TNS3: variants seen among roughly 807,000 people sequenced by gnomAD.
The protein encoded by TNS3 is tensin 3.
In TNS3, 45 loss-of-function variants were observed where a neutral mutation model predicts 140.9. The ratio of observed to expected loss-of-function variants is 0.32; its 90% CI spans 0.25 to 0.41. The LOEUF (loss-of-function observed/expected upper bound fraction) is 0.41. TNS3 is among the 10% of genes least tolerant of loss of function. TNS3 has a pLI of 1.00. For synonymous variants in TNS3, 815 were observed against 788.4 expected (o/e 1.03, Z -0.56); for missense variants, 1,716 against 1,906.7 (o/e 0.90, Z 1.86).
chr7:47,396,706 T>A, intron 16 of TNS3, 94 bp downstream of exon 16: 1 of 1,071,142 alleles, frequency 9.3e-7, no homozygotes, highest in Non-Finnish European at 1.4e-6. Context: ...AATTTTTTCT[T>A]CTTAGCAGAC....
At chr7:47,388,480 G>A (rs779284834) in intron 16 of TNS3, among the ~76,000 whole-genome samples, 51 of 152,190 alleles carry the variant, frequency 3.4e-4, no homozygotes, top group Non-Finnish European at 6.6e-4. Context: ...GGTTAAGTGG[G>A]CAGGGTCACC....
intron 4 of TNS3, among the ~76,000 whole-genome samples, chr7:47,468,931 G>C (rs1453403275): frequency 6.6e-6 from 1 of 152,080 alleles, no homozygotes; most frequent in Admixed American, 6.6e-5. Context: ...CACAAATAAA[G>C]CTGCACACTT....
At position 47,282,524 on chromosome 7, in the gene TNS3, C is replaced by T. The variant is rs144169297; in HGVS notation, c.4097+1173G>A. ...GAACACAGTGGGGCTGAGCCATGCC[C>T]CTGACCCTGAGAACATGGTGGGGTT... On this transcript the variant is annotated intron_variant, in intron 28 of 30. Transcript: ENST00000311160. 6.5e-3 allele frequency among the ~76,000 whole-genome samples: 988 copies of T among 152,212 alleles called. 4 individuals are homozygous for T. Among genetic ancestry groups the T allele is most frequent in the Non-Finnish European group, 0.011 (716 of 67,988 alleles).
At position 47,439,467 on chromosome 7, in the gene TNS3, C is replaced by A; in HGVS notation, c.150+20G>T. The A allele has an allele frequency of 2.5e-6, 4 of 1,612,152 alleles. No individual in the cohort carries two copies. The East Asian group carries it at 8.9e-5, about 36-fold the overall frequency. ...GCTGCAGAGCCTGCCCAAAGGCTCC[C>A]AGAGCCGCCCACCGCTCACCAGGTA... On this transcript the variant is annotated intron_variant, in intron 6 of 30. Transcript: ENST00000311160.
intron 4 of TNS3, among the ~76,000 whole-genome samples, chr7:47,465,551 G>A (rs1322923696): frequency 6.6e-6 from 1 of 151,960 alleles, no homozygotes; most frequent in African/African-American, 2.4e-5. Flanking sequence ...TCCATACACC[G>A]ACACCCCCTA....
chr7:47,545,549 C>T (rs545647100), intron 1 of TNS3, among the ~76,000 whole-genome samples: 1 of 152,220 alleles, frequency 6.6e-6, no homozygotes, highest in African/African-American at 2.4e-5. Context: ...AGGGTGCTGA[C>T]AGCAAGAGGA....
intron 2 of TNS3, among the ~76,000 whole-genome samples, chr7:47,520,009 TAG>T (rs985832325): frequency 5.3e-5 from 8 of 151,776 alleles, no homozygotes; most frequent in African/African-American, 1.9e-4. Context: ...TTTTTTTTAG[TAG>T]AGACGGGGTT....
chr7:47,330,717 A>C (rs1788286178), intron 20 of TNS3, among the ~76,000 whole-genome samples: 1 of 152,064 alleles, frequency 6.6e-6, no homozygotes, highest in Non-Finnish European at 1.5e-5. Context: ...AGGTGAGAAA[A>C]GGGGCATTAA....
chr7:47,356,124 C>T (rs919291946), intron 17 of TNS3, among the ~76,000 whole-genome samples: 1 of 152,164 alleles, frequency 6.6e-6, no homozygotes, highest in African/African-American at 2.4e-5. Context: ...AACCACCCTG[C>T]GGCACGTTCC....
At chr7:47,364,816 T>C (rs1366589177) in intron 17 of TNS3, among the ~76,000 whole-genome samples, 3 of 152,220 alleles carry the variant, frequency 2.0e-5, no homozygotes, top group East Asian at 3.9e-4. Flanking sequence ...CATTCATCAC[T>C]GCTCATGGAC....
At chr7:47,357,074 G>A (rs1486287100) in intron 17 of TNS3, among the ~76,000 whole-genome samples, 1 of 152,198 alleles carries the variant, frequency 6.6e-6, no homozygotes, top group Non-Finnish European at 1.5e-5. Flanking sequence ...GGGTGACAGA[G>A]TGAGATCCTA....
chr7:47,430,699 G>A (rs1794887229), intron 8 of TNS3, among the ~76,000 whole-genome samples: 1 of 151,776 alleles, frequency 6.6e-6, no homozygotes, highest in East Asian at 1.9e-4. Context: ...CGAATTTAAG[G>A]AGACTGAAAT....
intron 20 of TNS3, among the ~76,000 whole-genome samples, chr7:47,332,800 C>T (rs1788415974): frequency 6.6e-6 from 1 of 152,014 alleles, no homozygotes; most frequent in Admixed American, 6.5e-5. Context: ...GCAAACTGTT[C>T]AAGATCACAG....
chr7:47,396,747 G>A, intron 16 of TNS3, 53 bp downstream of exon 16: 1 of 1,430,908 alleles, frequency 7.0e-7, no homozygotes, highest in Non-Finnish European at 9.9e-7. Context: ...TGAGTGGGCT[G>A]TCTTCCCTGT....
chr7:47,397,004 G>C, intron 15 of TNS3, 100 bp from the exon 16 acceptor site: 2 of 814,266 alleles, frequency 2.5e-6, no homozygotes, highest in Non-Finnish European at 2.1e-6. Flanking sequence ...GACTTGAGCA[G>C]GAGAGAGAAG....
intron 15 of TNS3, among the ~76,000 whole-genome samples, chr7:47,398,073 A>T (rs191196223): frequency 2.6e-4 from 40 of 152,336 alleles, no homozygotes; most frequent in Admixed American, 2.4e-3. Context: ...GAAATTGGTC[A>T]ATTCCTGGAC....
At chr7:47,535,099 C>G (rs1005599465) in intron 1 of TNS3, among the ~76,000 whole-genome samples, 2 of 152,208 alleles carry the variant, frequency 1.3e-5, no homozygotes, top group Admixed American at 1.3e-4. Context: ...ATTGCAATTT[C>G]CTAGATGCAG....
At chr7:47,487,720 C>T (rs1234020043) in intron 3 of TNS3, among the ~76,000 whole-genome samples, 2 of 151,578 alleles carry the variant, frequency 1.3e-5, no homozygotes, top group African/African-American at 4.8e-5. Context: ...AGTACAGAGA[C>T]ATCACCTTAT....
At chr7:47,406,272 G>T (rs971034394) in intron 13 of TNS3, among the ~76,000 whole-genome samples, 4 of 152,218 alleles carry the variant, frequency 2.6e-5, no homozygotes, top group Non-Finnish European at 4.4e-5. Flanking sequence ...GTGTCGAGGC[G>T]AAGGCAGACG....
Sources: gnomAD v4.1 joint callset for allele counts (sites outside exome capture counted in the v4.1 genomes callset) on GRCh38, gnomAD v4.1.1 for gene constraint, MANE v1.5 for transcripts, NCBI Gene and HGNC (gene_info 2026-07-23, HGNC 2026-07-21) for gene names.